AKAP7: variants seen among roughly 807,000 people sequenced by gnomAD.
AKAP7 encodes the protein A kinase (PRKA) anchor protein 7.
A neutral mutation model predicts 39.5 loss-of-function variants in AKAP7; 39 were observed. That is an observed-to-expected ratio of 0.99 (90% CI 0.76 to 1.29). The LOEUF (loss-of-function observed/expected upper bound fraction) is 1.29, where lower values mean the gene tolerates loss of function less well. Among genes scored for constraint, AKAP7 ranks in the 50% most tolerant of loss-of-function variants. The probability of loss-of-function intolerance (pLI) is 0.00; values close to 1 mark genes in which losing one functional copy is unlikely to be tolerated. For synonymous variants in AKAP7, 140 were observed against 139.1 expected, an observed-to-expected ratio of 1.01 and a Z score of -0.05; for missense variants, 414 against 407.7, an observed-to-expected ratio of 1.02 and a Z score of -0.13.
chr6:131,184,752 AG>A, intron 5 of AKAP7: 1 of 1,042,376 alleles, frequency 9.6e-7, no homozygotes, highest in Admixed American at 1.7e-5. Context: ...TCTGGGAAAC[AG>A]GAGTGGGTGG....
chr6:131,236,720 G>T (rs1385158763), intron 7 of AKAP7, among the ~76,000 whole-genome samples: 1 of 152,146 alleles, frequency 6.6e-6, no homozygotes, highest in East Asian at 1.9e-4. Context: ...TGTTATTGGT[G>T]TATAAGAATG....
rs142350165 is a variant in AKAP7, at chr6:131,247,976, T to C, written c.850+28168T>C. ...CAGAAGCAGTGCCAACAGGGAATGG[T>C]TAATAATAAAGTTAAGTTGGTAGGA... On this transcript the variant is annotated intron_variant, in intron 7 of 7. Transcript: ENST00000431975. Among the ~76,000 whole-genome samples, 681 of 152,218 alleles carry C rather than the reference T, an allele frequency of 4.5e-3. 2 individuals are homozygous for C. The highest frequency in any genetic ancestry group is 7.0e-3 in the Non-Finnish European group (473 of 67,996).
At chr6:131,223,855 A>G (rs182132208) in intron 7 of AKAP7, among the ~76,000 whole-genome samples, 9 of 152,278 alleles carry the variant, frequency 5.9e-5, no homozygotes, top group Admixed American at 1.3e-4. Flanking sequence ...GGACAGTTCT[A>G]TTCAGCCTAC....
At chr6:131,250,164 C>T (rs1812322479) in intron 7 of AKAP7, 13 of 990,756 alleles carry the variant, frequency 1.3e-5, no homozygotes, top group Non-Finnish European at 1.6e-5. Flanking sequence ...TGTGTAATTA[C>T]TGCAGTTGTC....
At position 131,212,216 on chromosome 6, in the gene AKAP7, T is replaced by G. The variant is rs553554846; in HGVS notation, c.703-7445T>G. 5.9e-4 allele frequency among the ~76,000 whole-genome samples: 90 copies of G among 152,316 alleles called. 1 individual carries two copies. In the South Asian group the frequency reaches 0.018, roughly 30 times the overall value. ...TATTTTAAAGTAAACAAGGGGAAAT[T>G]TCACAATTAAATGTTTAAGTTTGAA... On this transcript the variant is annotated intron_variant, in intron 6 of 7. Coordinates refer to ENST00000431975, the MANE Select transcript of AKAP7 (RefSeq NM_016377.4).
chr6:131,271,414 C>T (rs577918729), intron 7 of AKAP7, among the ~76,000 whole-genome samples: 1 of 152,090 alleles, frequency 6.6e-6, no homozygotes, highest in African/African-American at 2.4e-5. Flanking sequence ...ATCTATATGT[C>T]TATACTTATG....
At position 131,281,286 on chromosome 6, in the gene AKAP7, C is replaced by T. The variant is rs749988154; in HGVS notation, c.851-244C>T. Among the ~76,000 whole-genome samples, 8 of 152,160 alleles carry T rather than the reference C, an allele frequency of 5.3e-5. No individual in the cohort carries two copies. The highest frequency in any genetic ancestry group is 1.0e-4 in the Non-Finnish European group (7 of 68,042). On this transcript the variant is annotated intron_variant, in intron 7 of 7. Coordinates refer to ENST00000431975, the MANE Select transcript of AKAP7 (RefSeq NM_016377.4). This position sits in a 1 kb window ranked among gnomAD's most constrained non-coding sequence, Gnocchi z 4.0. ...AATTCACATATAAATGGGAAACATC[C>T]GGCATTGGTAGGTAGAGCTTGTCTA...
intron 5 of AKAP7, among the ~76,000 whole-genome samples, chr6:131,169,512 G>A (rs1037812510): frequency 1.3e-5 from 2 of 152,194 alleles, no homozygotes; most frequent in African/African-American, 2.4e-5. Context: ...TGCCTATTCA[G>A]AGGCTTGTGG....
At chr6:131,199,224 T>C (rs1289692016) in intron 5 of AKAP7, among the ~76,000 whole-genome samples, 1 of 152,222 alleles carries the variant, frequency 6.6e-6, no homozygotes, top group Non-Finnish European at 1.5e-5. Context: ...AAATTATTGC[T>C]TTTGTGTGCT....
intron 7 of AKAP7, among the ~76,000 whole-genome samples, chr6:131,272,907 CTA>C (rs1331138430): frequency 6.6e-6 from 1 of 152,132 alleles, no homozygotes; most frequent in Non-Finnish European, 1.5e-5. Flanking sequence ...CACAGAATTT[CTA>C]TTTTATCAGC....
At chr6:131,185,397 G>A (rs1007146125) in intron 5 of AKAP7, 3 of 520,314 alleles carry the variant, frequency 5.8e-6, no homozygotes, top group Non-Finnish European at 1.1e-5. Flanking sequence ...TCAGCACAGA[G>A]GTGGGCATTG....
intron 5 of AKAP7, among the ~76,000 whole-genome samples, chr6:131,182,855 T>C (rs1365843373): frequency 1.3e-5 from 2 of 152,164 alleles, no homozygotes; most frequent in Non-Finnish European, 2.9e-5. Flanking sequence ...TCAAAACAGC[T>C]TCATCGTTCT....
At chr6:131,250,712 A>T in intron 7 of AKAP7, 2 of 1,225,120 alleles carry the variant, frequency 1.6e-6, no homozygotes, top group Admixed American at 1.8e-5. Context: ...AATGGGAAGG[A>T]TAGCAGACTA....
In AKAP7 at chr6:131,262,618, A is replaced by AAT. The variant is rs540139135; in HGVS notation, c.851-18901_851-18900dup. Reference sequence around the variant, plus strand: ...CTTCAAAAGAAATAATTTTTAAAAAAATATATATATATTGCAATAATTCAA... The same window carrying AAT: ...CTTCAAAAGAAATAATTTTTAAAAAAATATATATATATATTGCAATAATTCAA... On this transcript the variant is annotated intron_variant, in intron 7 of 7. Transcript: ENST00000431975. 0.014 allele frequency among the ~76,000 whole-genome samples: 2,155 copies of AAT among 151,874 alleles called. 132 individuals are homozygous for AAT. In the East Asian group the frequency reaches 0.17, roughly 12 times the overall value.
intron 7 of AKAP7, among the ~76,000 whole-genome samples, chr6:131,261,111 G>T (rs552258322): frequency 6.6e-6 from 1 of 151,484 alleles, no homozygotes; most frequent in African/African-American, 2.4e-5. Context: ...CAGGAGAATC[G>T]CTTGAACCCA....
intron 7 of AKAP7, among the ~76,000 whole-genome samples, chr6:131,226,119 G>C (rs139650865): frequency 2.0e-5 from 3 of 152,188 alleles, no homozygotes; most frequent in Admixed American, 6.5e-5. Context: ...GACCTTGAGC[G>C]TAGCTATCTT....
chr6:131,258,770 CAG>C (rs1395865425), intron 7 of AKAP7, among the ~76,000 whole-genome samples: 1 of 152,146 alleles, frequency 6.6e-6, no homozygotes, highest in Non-Finnish European at 1.5e-5. Flanking sequence ...AAGGTTAAAT[CAG>C]AGATATTTGA....
At chr6:131,127,250 G>A in the AKAP7 span, among the ~76,000 whole-genome samples, 1 of 152,088 alleles carries the variant, frequency 6.6e-6, no homozygotes, top group Non-Finnish European at 1.5e-5. Context: ...GGCCAGGCTG[G>A]TCTCTAACTC....
intron 5 of AKAP7, among the ~76,000 whole-genome samples, chr6:131,172,330 G>T (rs1225216086): frequency 6.6e-6 from 1 of 152,032 alleles, no homozygotes; most frequent in Non-Finnish European, 1.5e-5. Context: ...TCTTTACTAG[G>T]TATGTTTATC....
Sources: allele counts gnomAD v4.1 joint callset (sites outside exome capture counted in the v4.1 genomes callset), GRCh38; gene constraint gnomAD v4.1.1; non-coding constraint Gnocchi (gnomAD v3.1); transcripts MANE v1.5; gene names NCBI Gene and HGNC (gene_info 2026-07-23, HGNC 2026-07-21).